Variants in OLFML2B observed in about 807,000 individuals in gnomAD.
OLFML2B encodes olfactomedin-like protein 2B.
Under a neutral mutation model 74.9 loss-of-function variants are expected in OLFML2B, and 57 were observed. The ratio of observed to expected loss-of-function variants is 0.76; its 90% CI spans 0.61 to 0.95. OLFML2B has a LOEUF of 0.95. Ranked by LOEUF, OLFML2B falls within the 40% of genes least tolerant of loss-of-function variation. OLFML2B has a pLI of 0.00. For synonymous variants in OLFML2B, 388 were observed against 405.8 expected, an observed-to-expected ratio of 0.96 and a Z score of 0.53; for missense variants, 986 against 970.6, an observed-to-expected ratio of 1.02 and a Z score of -0.21.
rs756084192 is a variant in OLFML2B, at chr1:161,983,935, G to A, written c.1993C>T (p.Arg665Cys). The change falls in exon 8 of 8, where the codon CGC (arginine) becomes TGC (cysteine). Residue 665 changes from arginine to cysteine, a missense_variant. Physicochemically the swap from Arg to Cys is radical, Grantham distance 180 (BLOSUM62 -3). Transcript: ENST00000294794. ...TAGAAATTCCTCCGGAGCCCCGTGC[G>A]CCATGTGGTCTCCTTCTGTGTGCTC... ...DLSTQKETTW[R>C]TGLRRNFYGN... 14 of 1,614,198 alleles carry A rather than the reference G, an allele frequency of 8.7e-6. No individual in the cohort carries two copies. The highest frequency in any genetic ancestry group is 1.2e-5 in the Non-Finnish European group (14 of 1,180,032).
chr1:162,004,150 G>A (rs1290610964), intron 4 of OLFML2B, among the ~76,000 whole-genome samples: 4 of 152,216 alleles, frequency 2.6e-5, no homozygotes, highest in Non-Finnish European at 4.4e-5. Flanking sequence ...GAGCAGGAAA[G>A]GGGCGCCTGG....
chr1:162,013,640 T>C (rs73021271), intron 3 of OLFML2B, among the ~76,000 whole-genome samples: 3,322 of 152,118 alleles, frequency 0.022, 116 homozygotes, highest in African/African-American at 0.076. Context: ...TAATGTACCA[T>C]AGAGAAATGC....
rs1398617781 is a variant in OLFML2B at position 162,017,583 on chromosome 1, T to C, written c.439-76A>G. The C allele has an allele frequency of 5.7e-6, 6 of 1,046,098 alleles. No homozygotes were observed. In the African/African-American group the frequency reaches 8.2e-5, roughly 14 times the overall value. 64.8% of individuals were successfully genotyped at this position (1,046,098 alleles called of 1,614,324 possible). A position where few individuals can be genotyped will look rare whatever the true frequency, so the allele number is the denominator to read the frequency against. The stretch of plus-strand genomic sequence containing the variant: ...GGCAGAGTTTCCTTTCAGATCTGCA[T>C]ACTGGGGGCTCGACAGGAAAGCCAC... On this transcript the variant is annotated intron_variant, in intron 2 of 7. Transcript: ENST00000294794.
intron 6 of OLFML2B, 110 bp downstream of exon 6, chr1:161,997,715 C>A: frequency 2.6e-6 from 3 of 1,172,086 alleles, no homozygotes; most frequent in Non-Finnish European, 3.6e-6. Context: ...CTTGCCATTC[C>A]CATAAAGAAC....
intron 3 of OLFML2B, among the ~76,000 whole-genome samples, chr1:162,014,955 C>T (rs997320187): frequency 6.6e-6 from 1 of 152,172 alleles, no homozygotes; most frequent in Admixed American, 6.5e-5. Flanking sequence ...TTTGAAGAAA[C>T]TTACGGGGTT....
intron 3 of OLFML2B, among the ~76,000 whole-genome samples, chr1:162,007,924 GC>G (rs1244668136): frequency 6.6e-6 from 1 of 152,218 alleles, no homozygotes; most frequent in Admixed American, 6.5e-5. Context: ...GGCTAAGCCA[GC>G]CTCTCTAAAT....
At chr1:162,001,977 G>T (rs1229686804) in intron 4 of OLFML2B, among the ~76,000 whole-genome samples, 2 of 152,202 alleles carry the variant, frequency 1.3e-5, no homozygotes, top group African/African-American at 4.8e-5. Flanking sequence ...CATGTAGATG[G>T]ACCACTCTGT....
In OLFML2B at chr1:161,991,578, TA is replaced by T. The variant is rs372047457; in HGVS notation, c.1474+6246del. On this transcript the variant is annotated intron_variant, in intron 6 of 7. Transcript: ENST00000294794. ...GGTGAAACTCCATCTCTACTAAAAATACAAACAATTAGCTGGGCGTGGTAGC... is the reference window on the plus strand; with the variant it reads ...GGTGAAACTCCATCTCTACTAAAAATCAAACAATTAGCTGGGCGTGGTAGC... 2.2e-4 allele frequency among the ~76,000 whole-genome samples: 34 copies of T among 152,234 alleles called. No individual in the cohort carries two copies. In the South Asian group the frequency reaches 6.8e-3, roughly 31 times the overall value.
At position 161,984,133 on chromosome 1, in the gene OLFML2B, C is replaced by T. The variant is rs200888262; in HGVS notation, c.1795G>A (p.Ala599Thr). The change falls in exon 8 of 8, where the codon GCC becomes ACC. Residue 599 changes from alanine to threonine, a missense_variant. Physicochemically the swap from Ala to Thr is moderately conservative, Grantham distance 58. Coordinates refer to ENST00000294794, the MANE Select transcript of OLFML2B (RefSeq NM_015441.3). ...DLKQRYVAAW[A>T]MLHDVAYEEA... Reference sequence around the variant, plus strand: ...TCGTAGGCCACGTCATGCAGCATGGCCCAGGCAGCCACGTAGCGCTGCTTC... The same window carrying T: ...TCGTAGGCCACGTCATGCAGCATGGTCCAGGCAGCCACGTAGCGCTGCTTC... 6.2e-7 allele frequency: 1 copy of T among 1,610,688 alleles called. No individual in the cohort carries two copies. The highest frequency in any genetic ancestry group is 8.5e-7 in the Non-Finnish European group (1 of 1,178,176).
rs1690808146 is a variant in OLFML2B at position 162,023,687 on chromosome 1, AAGGTGG to A, written c.-263_-258del. 6.7e-6 allele frequency: 2 copies of A among 299,116 alleles called. No individual in the cohort carries two copies. Among genetic ancestry groups the A allele is most frequent in the Middle Eastern group, 9.2e-4 (1 of 1,086 alleles). 18.5% of individuals were successfully genotyped at this position (299,116 alleles called of 1,614,324 possible). On this transcript the variant is annotated 5_prime_UTR_variant, in exon 1 of 8. Transcript: ENST00000294794. Reference sequence around the variant, plus strand: ...ACGCAAGGAAGAGGGGATGACGGAGAAGGTGGAGGCGGGCACGGGCTAGCTGAGCGA... The same window carrying A: ...ACGCAAGGAAGAGGGGATGACGGAGAAGGCGGGCACGGGCTAGCTGAGCGA...
rs1224503387 is a variant in OLFML2B at position 161,998,029 on chromosome 1, T to C, written c.1270A>G (p.Thr424Ala). The change falls in exon 6 of 8, where the codon ACA (threonine) becomes GCA (alanine). Residue 424 changes from threonine (T) to alanine (A), a missense_variant. Physicochemically the swap from Thr to Ala is moderately conservative, Grantham distance 58. Transcript: ENST00000294794. ...PQVPATTVAH[T>A]ATQQPAAPAP... is the part of the protein sequence containing the mutation. ...GGGGCTGCTGGTTGCTGGGTGGCTG[T>C]GTGGGCCACAGTGGTGGCTGGTACC... 4.3e-6 allele frequency: 7 copies of C among 1,613,962 alleles called. No homozygotes were observed. The highest frequency in any genetic ancestry group is 5.9e-6 in the Non-Finnish European group (7 of 1,180,004).
chr1:161,994,654 C>T (rs1051960713), intron 6 of OLFML2B, among the ~76,000 whole-genome samples: 36 of 152,218 alleles, frequency 2.4e-4, no homozygotes, highest in Non-Finnish European at 5.9e-5. Context: ...AGCGCCTTCT[C>T]GGATGGTACC....
intron 4 of OLFML2B, among the ~76,000 whole-genome samples, chr1:162,005,699 C>T (rs974670836): frequency 3.3e-5 from 5 of 151,720 alleles, no homozygotes; most frequent in East Asian, 1.9e-4. Context: ...CCAGACCAGC[C>T]GCATTTACAG....
intron 5 of OLFML2B, 139 bp from the exon 6 acceptor site, chr1:161,998,488 G>T (rs909720014): frequency 2.3e-5 from 22 of 938,456 alleles, no homozygotes; most frequent in Non-Finnish European, 3.2e-5. Context: ...GGGCCTGGCT[G>T]GGATTTTGGA....
chr1:162,023,412 G>T lies in OLFML2B; in HGVS notation c.19C>A (p.Leu7Ile). The T allele has an allele frequency of 6.3e-7, 1 of 1,575,162 alleles. No individual in the cohort carries two copies. Among genetic ancestry groups the T allele is most frequent in the Non-Finnish European group, 8.6e-7 (1 of 1,157,192 alleles). The change falls in exon 1 of 8, where the codon CTA becomes ATA. Residue 7 changes from leucine (L) to isoleucine (I), a missense_variant. Physicochemically the swap from Leu to Ile is conservative, Grantham distance 5. Coordinates refer to ENST00000294794, the MANE Select transcript of OLFML2B (RefSeq NM_015441.3). The part of the protein sequence containing the change: MAKPRL[L>I]VLYFALIVVP... ...ACAATCAGAGCGAAGTAGAGAACTA[G>T]CAGCCGAGGCTTGGCCATGAGGGGC...
At chr1:161,986,947 C>A (rs1021628452) in intron 6 of OLFML2B, among the ~76,000 whole-genome samples, 1 of 152,252 alleles carries the variant, frequency 6.6e-6, no homozygotes, top group Non-Finnish European at 1.5e-5. Context: ...ACAGAAATTG[C>A]AGATGGACTC....
At chr1:161,996,329 C>T (rs190722985) in intron 6 of OLFML2B, among the ~76,000 whole-genome samples, 4 of 152,284 alleles carry the variant, frequency 2.6e-5, no homozygotes, top group Non-Finnish European at 5.9e-5. Context: ...AAACTTCCTG[C>T]GGAAAACCAT....
At chr1:162,004,247 TC>T (rs1407968384) in intron 4 of OLFML2B, among the ~76,000 whole-genome samples, 1 of 152,090 alleles carries the variant, frequency 6.6e-6, no homozygotes, top group Non-Finnish European at 1.5e-5. Flanking sequence ...GCCTTCAAGT[TC>T]CCTTCCAGCC....
In OLFML2B at chr1:161,983,690, G is replaced by A. The variant is rs1216050882; in HGVS notation, c.2238C>T (p.Val746=). The A allele has an allele frequency of 2.5e-6, 4 of 1,608,510 alleles. No homozygotes were observed. In the East Asian group the frequency reaches 6.7e-5, roughly 27 times the overall value. The change falls in exon 8 of 8, where the codon GTC becomes GTT. Residue 746 remains valine (V), a synonymous_variant. Coordinates refer to ENST00000294794, the MANE Select transcript of OLFML2B (RefSeq NM_015441.3). ...GACAAGGGTGTCAGTAGGCAAAGAT[G>A]ACATGGTAAGTGACCTGGTGGCCAT... ...WDNGHQVTYH[V]IFAY
Sources: allele counts gnomAD v4.1 joint callset (sites outside exome capture counted in the v4.1 genomes callset), GRCh38; gene constraint gnomAD v4.1.1; transcripts MANE v1.5; gene names NCBI Gene and HGNC (gene_info 2026-07-23, HGNC 2026-07-21).